Variants in PIK3R1 observed in about 807,000 individuals in gnomAD.
PIK3R1 encodes phosphatidylinositol 3-kinase regulatory subunit alpha.
In PIK3R1, 29 loss-of-function variants were observed where a neutral mutation model predicts 98.0. That is an observed-to-expected ratio of 0.30 (90% confidence interval 0.22 to 0.40). PIK3R1 has a LOEUF of 0.40. PIK3R1 is among the 10% of genes least tolerant of loss of function. The probability of loss-of-function intolerance (pLI) is 1.00; values close to 1 mark genes in which losing one functional copy is unlikely to be tolerated. For missense variants in PIK3R1, 596 were observed against 872.7 expected, an observed-to-expected ratio of 0.68 and a Z score of 3.99; for synonymous variants, 282 against 311.8, an observed-to-expected ratio of 0.90 and a Z score of 1.01.
chr5:68,272,506 C>A lies in PIK3R1; in HGVS notation c.335-884C>A, dbSNP rs537558213. ...TTAAGATGAATATATTTAGCTCCCTCTTCTGGCATAATTTGAGAATTTTTT... is the reference window on the plus strand; with the variant it reads ...TTAAGATGAATATATTTAGCTCCCTATTCTGGCATAATTTGAGAATTTTTT... On this transcript the variant is annotated intron_variant, in intron 2 of 15. Transcript: ENST00000521381. 3.9e-5 allele frequency among the ~76,000 whole-genome samples: 6 copies of A among 152,238 alleles called. No individual in the cohort carries two copies. In the East Asian group the frequency reaches 9.6e-4, roughly 24 times the overall value.
intron 2 of PIK3R1, among the ~76,000 whole-genome samples, chr5:68,247,367 C>T (rs1168772504): frequency 6.6e-6 from 1 of 152,156 alleles, no homozygotes; most frequent in African/African-American, 2.4e-5. Flanking sequence ...CTTTCCACCA[C>T]GGCTAACTGC....
rs554449287 is a variant in PIK3R1 at position 68,276,971 on chromosome 5, C to T, written c.503-2631C>T. ...TAGTAGGGAAACACATAATCCCACA[C>T]TATGATTATACTCCTTGGGAAGTGT... On this transcript the variant is annotated intron_variant, in intron 4 of 15. Coordinates refer to ENST00000521381, the MANE Select transcript of PIK3R1 (RefSeq NM_181523.3). Among the ~76,000 whole-genome samples, 8 of 152,292 alleles carry T rather than the reference C, an allele frequency of 5.3e-5. No homozygotes were observed. The South Asian group carries it at 1.7e-3, about 32-fold the overall frequency.
At position 68,292,285 on chromosome 5, in the gene PIK3R1, A is replaced by C. The variant is rs1747438034; in HGVS notation, c.943A>C (p.Thr315Pro). The C allele has an allele frequency of 1.9e-6, 3 of 1,613,492 alleles. No homozygotes were observed. The highest frequency in any genetic ancestry group is 2.5e-6 in the Non-Finnish European group (3 of 1,179,488). Residue 315 changes from threonine (T) to proline (P), a missense_variant, in exon 8 of 16, where the codon ACT (threonine) becomes CCT (proline). Coordinates refer to ENST00000521381, the MANE Select transcript of PIK3R1 (RefSeq NM_181523.3). ...ACTGCCTCCTAAACCACCAAAACCT[A>C]CTACTGTAGCCAACAACGGTATGAA... is the stretch of plus-strand genomic sequence containing the variant. ...PALPPKPPKP[T>P]TVANNGMNNN...
intron 2 of PIK3R1, among the ~76,000 whole-genome samples, chr5:68,243,752 G>A (rs1431476866): frequency 6.6e-6 from 1 of 152,188 alleles, no homozygotes; most frequent in Non-Finnish European, 1.5e-5. Context: ...TGGATCACGG[G>A]CAGAAACAAG....
chr5:68,281,957 G>C (rs1049691368), intron 7 of PIK3R1, among the ~76,000 whole-genome samples: 3 of 152,114 alleles, frequency 2.0e-5, no homozygotes, highest in Admixed American at 2.0e-4. Flanking sequence ...AGAGGCCAGG[G>C]CCTAGACTCA....
Position 68,299,749 on chromosome 5 carries a change from A to C in PIK3R1, c.*2148A>C. ...TTTGAAAGAATCAGTCTTGCAGCTGAGTGAAAAATCTGTGGAATGTATTAT... is the reference window on the plus strand; with the variant it reads ...TTTGAAAGAATCAGTCTTGCAGCTGCGTGAAAAATCTGTGGAATGTATTAT... On this transcript the variant is annotated 3_prime_UTR_variant, in exon 16 of 16. Coordinates refer to ENST00000521381, the MANE Select transcript of PIK3R1 (RefSeq NM_181523.3). 1 of 233,210 alleles carries C rather than the reference A, an allele frequency of 4.3e-6. No individual in the cohort carries two copies. The highest frequency in any genetic ancestry group is 2.2e-5 in the African/African-American group (1 of 45,460). The allele number at this position is 233,210 out of a possible 1,614,324, so 14.4% of individuals were successfully genotyped here.
intron 1 of PIK3R1, among the ~76,000 whole-genome samples, chr5:68,225,768 C>T (rs924379891): frequency 9.2e-5 from 14 of 152,202 alleles, no homozygotes; most frequent in African/African-American, 2.9e-4. Context: ...CATGGGCATG[C>T]GTGATGTCCT....
chr5:68,247,401 T>C (rs752847778), intron 2 of PIK3R1, among the ~76,000 whole-genome samples: 6 of 152,118 alleles, frequency 3.9e-5, no homozygotes, highest in Non-Finnish European at 8.8e-5. Context: ...TGTGCTCAGT[T>C]GATCCTCCCG....
intron 2 of PIK3R1, among the ~76,000 whole-genome samples, chr5:68,232,894 C>A (rs1301056644): frequency 6.6e-6 from 1 of 152,122 alleles, no homozygotes; most frequent in African/African-American, 2.4e-5. Flanking sequence ...TGTTTTCTGG[C>A]AACTAAGTTA....
chr5:68,266,483 T>A (rs1746127870), intron 2 of PIK3R1, among the ~76,000 whole-genome samples: 1 of 152,238 alleles, frequency 6.6e-6, no homozygotes, highest in Admixed American at 6.5e-5. Context: ...TATATTAACT[T>A]GTTATTTGGG....
At chr5:68,289,911 A>G (rs1369411799) in intron 7 of PIK3R1, among the ~76,000 whole-genome samples, 1 of 148,094 alleles carries the variant, frequency 6.8e-6, no homozygotes, top group Non-Finnish European at 1.5e-5. Flanking sequence ...TCTTTTTGGA[A>G]GAAGCATTTT....
intron 5 of PIK3R1, 128 bp from the exon 6 acceptor site, chr5:68,280,400 C>G (rs1032882171): frequency 4.4e-6 from 3 of 687,978 alleles, no homozygotes; most frequent in Non-Finnish European, 7.6e-6. Context: ...CTGTGTGCTT[C>G]TCCCAACAAC....
At chr5:68,231,449 G>C (rs907910134) in intron 2 of PIK3R1, among the ~76,000 whole-genome samples, 1 of 152,226 alleles carries the variant, frequency 6.6e-6, no homozygotes, top group East Asian at 1.9e-4. Flanking sequence ...AAAGAAAAAG[G>C]CCACCATTGG....
In PIK3R1 at chr5:68,266,361, G is replaced by A. The variant is rs150356431; in HGVS notation, c.335-7029G>A. On this transcript the variant is annotated intron_variant, in intron 2 of 15. Coordinates refer to ENST00000521381, the MANE Select transcript of PIK3R1 (RefSeq NM_181523.3). Reference sequence around the variant, plus strand: ...GTTTGCCCTCAGCCAGAGATAGTGTGGTTCATCTGGAATGCCCCTGCCTTT... The same window carrying A: ...GTTTGCCCTCAGCCAGAGATAGTGTAGTTCATCTGGAATGCCCCTGCCTTT... Among the ~76,000 whole-genome samples, 529 of 152,284 alleles carry A rather than the reference G, an allele frequency of 3.5e-3. 7 individuals are homozygous for A. The highest frequency in any genetic ancestry group is 0.012 in the African/African-American group (501 of 41,550).
chr5:68,278,351 T>C (rs535391066), intron 4 of PIK3R1, among the ~76,000 whole-genome samples: 1 of 152,318 alleles, frequency 6.6e-6, no homozygotes, highest in East Asian at 1.9e-4. Context: ...ATGGATATTC[T>C]TGAGATTGGT....
chr5:68,294,028 A>G lies in PIK3R1; in HGVS notation c.1425+194A>G, dbSNP rs547350803. 9.2e-5 allele frequency among the ~76,000 whole-genome samples: 14 copies of G among 152,358 alleles called. No individual in the cohort carries two copies. In the East Asian group the frequency reaches 2.7e-3, roughly 29 times the overall value. On this transcript the variant is annotated intron_variant, in intron 11 of 15. Coordinates refer to ENST00000521381, the MANE Select transcript of PIK3R1 (RefSeq NM_181523.3). The stretch of plus-strand genomic sequence containing the variant: ...ACCAAAAATTTTAAGTATCAGAATA[A>G]TAAATTAAGTTCACGTGATAACTGA...
intron 14 of PIK3R1, 32 bp from the exon 15 acceptor site, chr5:68,296,139 T>TC: frequency 6.2e-7 from 1 of 1,611,120 alleles, no homozygotes; most frequent in Non-Finnish European, 8.5e-7. Flanking sequence ...CCTGCACTCT[T>TC]CATTTAGAAA....
At chr5:68,247,410 C>T (rs1321266789) in intron 2 of PIK3R1, among the ~76,000 whole-genome samples, 5 of 152,034 alleles carry the variant, frequency 3.3e-5, no homozygotes, top group East Asian at 1.9e-4. Context: ...TTGATCCTCC[C>T]GCCTCAGCCT....
intron 2 of PIK3R1, among the ~76,000 whole-genome samples, chr5:68,254,871 T>G (rs1745450617): frequency 6.6e-6 from 1 of 152,116 alleles, no homozygotes; most frequent in South Asian, 2.1e-4. Context: ...AAGCAGTATC[T>G]TAAATTAAAT....
Sources: gnomAD v4.1 joint callset for allele counts (sites outside exome capture counted in the v4.1 genomes callset) on GRCh38, gnomAD v4.1.1 for gene constraint, MANE v1.5 for transcripts, NCBI Gene and HGNC (gene_info 2026-07-23, HGNC 2026-07-21) for gene names.